LOC400499: variants seen among roughly 807,000 people sequenced by gnomAD.
chr16:11,384,253 A>G, the LOC400499 span: 1 of 1,232,366 alleles, frequency 8.1e-7, no homozygotes, highest in South Asian at 4.1e-5. Flanking sequence ...GCTGCGGGCC[A>G]TAGAGCCATC....
chr16:11,393,585 A>C, the LOC400499 span: 1 of 1,231,960 alleles, frequency 8.1e-7, no homozygotes, highest in Non-Finnish European at 1.0e-6. Flanking sequence ...CAGAGGCCTG[A>C]GTGGAGCCTG....
the LOC400499 span, among the ~76,000 whole-genome samples, chr16:11,436,733 G>A: frequency 1.3e-5 from 2 of 151,906 alleles, no homozygotes; most frequent in Non-Finnish European, 2.9e-5. Context: ...AAATACAAGT[G>A]CCCGCCACCA....
At chr16:11,520,235 G>C in the LOC400499 span, among the ~76,000 whole-genome samples, 1 of 152,092 alleles carries the variant, frequency 6.6e-6, no homozygotes. Flanking sequence ...GGTTGAAATG[G>C]TGTATTCCAT....
the LOC400499 span, chr16:11,465,357 C>T: frequency 6.6e-6 from 1 of 152,128 alleles, no homozygotes; most frequent in Non-Finnish European, 1.5e-5. Flanking sequence ...AAATTCCTCA[C>T]CTCAAGTGAT....
At chr16:11,405,846 A>G in the LOC400499 span, among the ~76,000 whole-genome samples, 40 of 152,102 alleles carry the variant, frequency 2.6e-4, no homozygotes, top group African/African-American at 9.4e-4. Flanking sequence ...ATAGAACACA[A>G]TGCAAACGCC....
At chr16:11,505,470 T>TTTTTTTTTTTTTTTC in the LOC400499 span, among the ~76,000 whole-genome samples, 1 of 112,592 alleles carries the variant, frequency 8.9e-6, no homozygotes, top group African/African-American at 3.2e-5. Context: ...TTTTTTTTTT[T>TTTTTTTTTTTTTTTC]TGGAGAAGAG....
chr16:11,463,768 C>T, the LOC400499 span, among the ~76,000 whole-genome samples: 11 of 151,586 alleles, frequency 7.3e-5, no homozygotes, highest in East Asian at 9.7e-4. Context: ...TATATATGAA[C>T]GTATATACAG....
chr16:11,506,689 G>T, the LOC400499 span, among the ~76,000 whole-genome samples: 42 of 152,228 alleles, frequency 2.8e-4, no homozygotes, highest in East Asian at 7.7e-3. Context: ...GAAACTCCGG[G>T]GCCTCTCTAT....
the LOC400499 span, among the ~76,000 whole-genome samples, chr16:11,393,158 C>T: frequency 2.2e-5 from 3 of 138,808 alleles, no homozygotes; most frequent in African/African-American, 2.9e-5. Context: ...CTGGCCACCC[C>T]CCCCCCTTTT....
At chr16:11,409,727 G>C in the LOC400499 span, among the ~76,000 whole-genome samples, 1 of 152,236 alleles carries the variant, frequency 6.6e-6, no homozygotes, top group Non-Finnish European at 1.5e-5. Flanking sequence ...TTTCTGGAAT[G>C]TTGTAATTAC....
the LOC400499 span, among the ~76,000 whole-genome samples, chr16:11,436,343 C>G: frequency 1.3e-5 from 2 of 152,112 alleles, no homozygotes; most frequent in Admixed American, 6.6e-5. Context: ...AGGATGGCAT[C>G]TGGGTACCCA....
the LOC400499 span, among the ~76,000 whole-genome samples, chr16:11,510,431 C>G: frequency 6.6e-6 from 1 of 151,818 alleles, no homozygotes; most frequent in Non-Finnish European, 1.5e-5. Context: ...ATGCTCTTTC[C>G]TGCATCTTCC....
chr16:11,519,143 G>A, the LOC400499 span, among the ~76,000 whole-genome samples: 30 of 152,274 alleles, frequency 2.0e-4, no homozygotes, highest in African/African-American at 6.0e-4. Flanking sequence ...GGTGAAGGCC[G>A]AATGTCTCAC....
At chr16:11,517,093 A>C in the LOC400499 span, among the ~76,000 whole-genome samples, 1 of 152,074 alleles carries the variant, frequency 6.6e-6, no homozygotes, top group African/African-American at 2.4e-5. Context: ...AGTTTCATCC[A>C]CCTGGGGAGA....
the LOC400499 span, chr16:11,383,826 G>C: frequency 1.6e-6 from 2 of 1,232,276 alleles, no homozygotes; most frequent in Non-Finnish European, 2.0e-6. Context: ...CCCTGAGGAG[G>C]GACCTAAGCT....
At chr16:11,383,370 C>T in the LOC400499 span, among the ~76,000 whole-genome samples, 2 of 152,116 alleles carry the variant, frequency 1.3e-5, no homozygotes, top group African/African-American at 4.8e-5. Flanking sequence ...CCCAGCCTTG[C>T]CAGCTTCTTT....
At chr16:11,399,239 C>A in the LOC400499 span, 1 of 985,400 alleles carries the variant, frequency 1.0e-6, no homozygotes, top group African/African-American at 1.7e-5. Flanking sequence ...CTGTTCCCAG[C>A]ATCTCGGGCC....
At chr16:11,451,456 T>C in the LOC400499 span, among the ~76,000 whole-genome samples, 1 of 151,938 alleles carries the variant, frequency 6.6e-6, no homozygotes, top group Non-Finnish European at 1.5e-5. Context: ...GGTGCTCACC[T>C]ATATCCCAGC....
chr16:11,378,057 C>T, the LOC400499 span, among the ~76,000 whole-genome samples: 1 of 152,122 alleles, frequency 6.6e-6, no homozygotes, highest in East Asian at 1.9e-4. Context: ...TGGGTTTAGG[C>T]TGTTCTTTTT....
Sources: allele counts gnomAD v4.1 joint callset (sites outside exome capture counted in the v4.1 genomes callset), GRCh38; gene constraint gnomAD v4.1.1; transcripts MANE v1.5.